Variants in C1QTNF7 observed in about 807,000 individuals in gnomAD.
C1QTNF7 encodes complement C1q tumor necrosis factor-related protein 7.
A neutral mutation model predicts 19.6 loss-of-function variants in C1QTNF7; 15 were observed. That is an observed-to-expected ratio of 0.76 (90% CI 0.51 to 1.18). C1QTNF7 has a LOEUF of 1.18. Among genes scored for constraint, C1QTNF7 ranks in the 50% most tolerant of loss-of-function variants. The probability of loss-of-function intolerance (pLI) is 0.00; values close to 1 mark genes in which losing one functional copy is unlikely to be tolerated. For missense variants in C1QTNF7, 324 were observed against 359.7 expected (o/e 0.90, Z 0.80); for synonymous variants, 142 against 137.5 (o/e 1.03, Z -0.23).
At chr4:15,346,908 T>C (rs1389212772) in intron 1 of C1QTNF7, among the ~76,000 whole-genome samples, 2 of 152,212 alleles carry the variant, frequency 1.3e-5, no homozygotes, top group African/African-American at 2.4e-5. Context: ...AACTCTTCAC[T>C]GTTTCTTGGG....
chr4:15,350,334 A>C (rs111801530), intron 1 of C1QTNF7, among the ~76,000 whole-genome samples: 38 of 3,570 alleles, frequency 0.011, 1 homozygote, highest in Non-Finnish European at 0.016. Context: ...GAGGAAAGAA[A>C]GGAGGGAGGG....
At chr4:15,422,084 C>T (rs935288741) in intron 1 of C1QTNF7, among the ~76,000 whole-genome samples, 1 of 151,858 alleles carries the variant, frequency 6.6e-6, no homozygotes, top group Admixed American at 6.6e-5. Context: ...AATGGAAATG[C>T]TCTGTATCTC....
intron 1 of C1QTNF7, among the ~76,000 whole-genome samples, chr4:15,418,706 G>T (rs1711573644): frequency 5.0e-5 from 7 of 138,872 alleles, no homozygotes; most frequent in Admixed American, 4.9e-4. Flanking sequence ...GTAAAATACA[G>T]TAGTTAAGTG....
At position 15,444,907 on chromosome 4, in the gene C1QTNF7, T is replaced by G. The variant is rs933073721; in HGVS notation, c.*2108T>G. 3.3e-5 allele frequency: 5 copies of G among 152,192 alleles called. No homozygotes were observed. Among genetic ancestry groups the G allele is most frequent in the Admixed American group, 1.3e-4 (2 of 15,280 alleles). The allele number at this position is 152,192 out of a possible 1,614,324, so 9.4% of individuals were successfully genotyped here. The stretch of plus-strand genomic sequence containing the variant: ...AGAGCTTTGAAAGCCAGCCTGAGAA[T>G]TGGAGGATTTATTCATAAGAAAGTG... On this transcript the variant is annotated 3_prime_UTR_variant, in exon 3 of 3. Coordinates refer to ENST00000444304, the MANE Select transcript of C1QTNF7 (RefSeq NM_031911.5).
chr4:15,367,320 G>C (rs1717562132), intron 1 of C1QTNF7, among the ~76,000 whole-genome samples: 1 of 152,176 alleles, frequency 6.6e-6, no homozygotes, highest in Admixed American at 6.5e-5. Context: ...CTCCACTTAG[G>C]AAGCAAATCC....
At chr4:15,391,313 G>A (rs1243023452) in intron 1 of C1QTNF7, among the ~76,000 whole-genome samples, 2 of 152,048 alleles carry the variant, frequency 1.3e-5, no homozygotes, top group Non-Finnish European at 2.9e-5. Context: ...TCCAGTCTCA[G>A]TGGACTCACT....
At chr4:15,436,803 C>G (rs1712557726) in intron 2 of C1QTNF7, among the ~76,000 whole-genome samples, 1 of 152,172 alleles carries the variant, frequency 6.6e-6, no homozygotes, top group South Asian at 2.1e-4. Flanking sequence ...AGACAAGTTG[C>G]TGAGCATAAA....
At chr4:15,349,103 A>G (rs1716815047) in intron 1 of C1QTNF7, among the ~76,000 whole-genome samples, 1 of 152,238 alleles carries the variant, frequency 6.6e-6, no homozygotes, top group Non-Finnish European at 1.5e-5. Context: ...TTGCCAACAG[A>G]GCCAGTCTTC....
chr4:15,354,650 T>A (rs938911187), intron 1 of C1QTNF7, among the ~76,000 whole-genome samples: 2 of 151,992 alleles, frequency 1.3e-5, no homozygotes, highest in African/African-American at 4.8e-5. Context: ...GACTTTGATG[T>A]GGAAATGTCA....
chr4:15,352,638 A>G (rs758887275), intron 1 of C1QTNF7, among the ~76,000 whole-genome samples: 5 of 152,216 alleles, frequency 3.3e-5, no homozygotes, highest in Admixed American at 1.3e-4. Context: ...CTGGATGGGC[A>G]AAACAAGGCA....
intron 1 of C1QTNF7, among the ~76,000 whole-genome samples, chr4:15,432,303 G>T (rs923840820): frequency 1.3e-5 from 2 of 152,318 alleles, no homozygotes; most frequent in East Asian, 3.9e-4. Context: ...TGCACACCCC[G>T]TGGTCTTCTT....
intron 1 of C1QTNF7, among the ~76,000 whole-genome samples, chr4:15,419,426 T>C (rs1297821454): frequency 6.6e-6 from 1 of 152,054 alleles, no homozygotes; most frequent in Non-Finnish European, 1.5e-5. Context: ...CTCCAAAACA[T>C]AACAGGGGAA....
exon 1 of C1QTNF7, chr4:15,340,201 A>G: frequency 6.4e-7 from 1 of 1,551,700 alleles, no homozygotes; most frequent in Non-Finnish European, 8.7e-7. Context: ...AGCAATGTCC[A>G]GACAAGGTAA....
At chr4:15,385,012 G>C (rs1299308165) in intron 1 of C1QTNF7, among the ~76,000 whole-genome samples, 2 of 152,216 alleles carry the variant, frequency 1.3e-5, no homozygotes, top group African/African-American at 4.8e-5. Context: ...TTAGGAGCTT[G>C]CGATTTCTTG....
chr4:15,436,115 A>G (rs1235741702), intron 2 of C1QTNF7, 134 bp downstream of exon 2: 1 of 1,265,356 alleles, frequency 7.9e-7, no homozygotes, highest in Admixed American at 2.8e-5. Flanking sequence ...TAACTTACTG[A>G]GCCCTTACTA....
At chr4:15,365,595 AG>A (rs1265853609) in intron 1 of C1QTNF7, among the ~76,000 whole-genome samples, 18 of 152,166 alleles carry the variant, frequency 1.2e-4, no homozygotes, top group African/African-American at 3.9e-4. Flanking sequence ...TTAAGAAAAG[AG>A]GGAATGCATG....
At chr4:15,422,250 A>C (rs1711815265) in intron 1 of C1QTNF7, among the ~76,000 whole-genome samples, 1 of 150,966 alleles carries the variant, frequency 6.6e-6, no homozygotes, top group African/African-American at 2.4e-5. Flanking sequence ...ATGACAGCAA[A>C]GGAGCTTCTT....
chr4:15,370,864 T>C (rs1193500574), intron 1 of C1QTNF7, among the ~76,000 whole-genome samples: 1 of 152,200 alleles, frequency 6.6e-6, no homozygotes, highest in African/African-American at 2.4e-5. Context: ...TAGATAATAA[T>C]GGAAACACTT....
intron 1 of C1QTNF7, among the ~76,000 whole-genome samples, chr4:15,366,284 G>A (rs564999810): frequency 6.6e-6 from 1 of 152,204 alleles, no homozygotes; most frequent in African/African-American, 2.4e-5. Context: ...CTCACATCTC[G>A]GGAACCCCCT....
Sources: gnomAD v4.1 joint callset for allele counts (sites outside exome capture counted in the v4.1 genomes callset) on GRCh38, gnomAD v4.1.1 for gene constraint, MANE v1.5 for transcripts, NCBI Gene and HGNC (gene_info 2026-07-23, HGNC 2026-07-21) for gene names.